The following KLHL13 variants were observed in gnomAD, a reference collection of about 807,000 sequenced individuals.
KLHL13 encodes kelch-like protein 13.
Under a neutral mutation model 37.1 loss-of-function variants are expected in KLHL13, and 10 were observed. The observed-to-expected ratio is 0.27, with a 90% confidence interval of 0.17 to 0.46. KLHL13 has a LOEUF of 0.46. Ranked by LOEUF, KLHL13 falls within the 20% of genes least tolerant of loss-of-function variation. The pLI is 1.00. For synonymous variants in KLHL13, 163 were observed against 181.2 expected (o/e 0.90, Z 0.81); for missense variants, 360 against 509.3 (o/e 0.71, Z 2.82).
intron 1 of KLHL13, among the ~76,000 whole-genome samples, chrX:118,105,223 T>C (rs1401983977): frequency 2.7e-5 from 3 of 112,577 alleles, no homozygotes; most frequent in Non-Finnish European, 5.6e-5. Context: ...ATCTGATCAT[T>C]TCTCTTTATT....
intron 2 of KLHL13, among the ~76,000 whole-genome samples, chrX:117,929,661 G>T (rs1183326373): frequency 5.6e-5 from 6 of 107,438 alleles, no homozygotes; most frequent in African/African-American, 2.1e-4. Flanking sequence ...AAGTAAACTC[G>T]CCAGATGTGG....
intron 2 of KLHL13, among the ~76,000 whole-genome samples, chrX:117,934,412 C>T (rs1740480001): frequency 9.0e-6 from 1 of 111,641 alleles, no homozygotes; most frequent in Non-Finnish European, 1.9e-5. Context: ...GGCATATGAA[C>T]ACACAATATA....
chrX:117,931,838 A>T (rs1282919421), intron 2 of KLHL13, among the ~76,000 whole-genome samples: 4 of 111,319 alleles, frequency 3.6e-5, no homozygotes, highest in African/African-American at 1.3e-4. Flanking sequence ...AATGGAGATA[A>T]CAATTCTTGC....
intron 1 of KLHL13, among the ~76,000 whole-genome samples, chrX:118,092,136 G>A (rs1482696899): frequency 9.0e-6 from 1 of 111,390 alleles, no homozygotes; most frequent in African/African-American, 3.3e-5. Flanking sequence ...GGGTGCAACA[G>A]AACCTCAGAA....
In KLHL13 at chrX:117,969,905, TAAAC is replaced by T. The variant is rs917598929; in HGVS notation, c.98+2822_98+2825del. On this transcript the variant is annotated intron_variant, in intron 1 of 6. Coordinates refer to ENST00000262820, the Ensembl canonical transcript of KLHL13. ...GACATTTCAACTGTCATTCAAGTTCTAAACAAACAGAAAGAAAACAAACATGGAC... is the reference window on the plus strand; with the variant it reads ...GACATTTCAACTGTCATTCAAGTTCTAAACAGAAAGAAAACAAACATGGAC... 2.8e-4 allele frequency among the ~76,000 whole-genome samples: 31 copies of T among 111,894 alleles called. No homozygotes were observed. The Admixed American group carries it at 3.0e-3, about 11-fold the overall frequency.
At chrX:118,067,651 T>C (rs760463300) in intron 1 of KLHL13, among the ~76,000 whole-genome samples, 4 of 111,135 alleles carry the variant, frequency 3.6e-5, no homozygotes, top group African/African-American at 1.3e-4. Flanking sequence ...TTAAACTTTT[T>C]TTTAACTAAG....
At chrX:118,107,591 C>T (rs187489926) in intron 1 of KLHL13, among the ~76,000 whole-genome samples, 26 of 111,854 alleles carry the variant, frequency 2.3e-4, no homozygotes, top group East Asian at 1.4e-3. Context: ...GCACTCTATA[C>T]GCATTATTAA....
intron 1 of KLHL13, among the ~76,000 whole-genome samples, chrX:118,073,857 C>T (rs948504558): frequency 3.6e-5 from 4 of 111,579 alleles, no homozygotes; most frequent in Non-Finnish European, 7.5e-5. Context: ...ACCCTCGTAT[C>T]TGTCAGGGAG....
At chrX:117,959,931 A>G (rs751830710) in intron 1 of KLHL13, among the ~76,000 whole-genome samples, 1 of 111,895 alleles carries the variant, frequency 8.9e-6, no homozygotes, top group Non-Finnish European at 1.9e-5. Flanking sequence ...GCAGTTAGGT[A>G]CAGAGGGATC....
chrX:118,039,524 G>C (rs2148053970), intron 1 of KLHL13, among the ~76,000 whole-genome samples: 2 of 111,520 alleles, frequency 1.8e-5, no homozygotes, highest in East Asian at 5.7e-4. Flanking sequence ...GGGGAAAAGT[G>C]GGGAGGACTT....
chrX:118,047,146 T>TA (rs1005039091), intron 1 of KLHL13, among the ~76,000 whole-genome samples: 8 of 111,379 alleles, frequency 7.2e-5, no homozygotes, highest in African/African-American at 2.6e-4. Flanking sequence ...TTATTTTTTT[T>TA]AAAAAGCAGA....
At chrX:118,031,099 G>C (rs1179317095) in intron 1 of KLHL13, among the ~76,000 whole-genome samples, 2 of 110,630 alleles carry the variant, frequency 1.8e-5, no homozygotes. Flanking sequence ...AATAACTCAT[G>C]TATCCAATCT....
chrX:118,019,754 T>C (rs1005063820), intron 1 of KLHL13, among the ~76,000 whole-genome samples: 4 of 108,027 alleles, frequency 3.7e-5, no homozygotes, highest in African/African-American at 1.4e-4. Flanking sequence ...TAGGGAATCC[T>C]TTCCCCATTG....
chrX:118,001,261 T>C (rs2053917755), intron 1 of KLHL13, among the ~76,000 whole-genome samples: 1 of 111,516 alleles, frequency 9.0e-6, no homozygotes, highest in Admixed American at 9.5e-5. Flanking sequence ...TTTGGAAACT[T>C]TTCGTAGTCT....
chrX:117,912,621 G>T (rs1193425706), intron 4 of KLHL13, among the ~76,000 whole-genome samples: 1 of 112,309 alleles, frequency 8.9e-6, no homozygotes, highest in East Asian at 2.8e-4. Flanking sequence ...GACTTTGACA[G>T]ACCATCTAAC....
chrX:117,935,601 C>T (rs775517009), intron 2 of KLHL13, among the ~76,000 whole-genome samples: 6 of 111,422 alleles, frequency 5.4e-5, no homozygotes, highest in Non-Finnish European at 7.5e-5. Flanking sequence ...GTGAAACAGG[C>T]GTATCTGACA....
chrX:117,940,930 T>C (rs1932990421), intron 2 of KLHL13, among the ~76,000 whole-genome samples: 1 of 111,839 alleles, frequency 8.9e-6, no homozygotes, highest in Admixed American at 9.5e-5. Flanking sequence ...TTGAATAAAC[T>C]TTATTTCTTT....
chrX:117,971,904 T>C (rs1012861647), intron 1 of KLHL13, among the ~76,000 whole-genome samples: 7 of 111,619 alleles, frequency 6.3e-5, no homozygotes, highest in Non-Finnish European at 1.3e-4. Flanking sequence ...CGTACTAATA[T>C]TTTCTTTAAA....
At chrX:117,915,405 A>G (rs946355404) in intron 4 of KLHL13, among the ~76,000 whole-genome samples, 1 of 110,221 alleles carries the variant, frequency 9.1e-6, no homozygotes, top group Non-Finnish European at 1.9e-5. Context: ...TTTGTCTCCA[A>G]CTCTTCATCA....
Sources: gnomAD v4.1 joint callset for allele counts (sites outside exome capture counted in the v4.1 genomes callset) on GRCh38, gnomAD v4.1.1 for gene constraint, MANE v1.5 for transcripts, NCBI Gene and HGNC (gene_info 2026-07-23, HGNC 2026-07-21) for gene names.